CLCA4: variants seen among roughly 807,000 people sequenced by gnomAD.
CLCA4 encodes the protein chloride channel accessory 4, also known as calcium-activated chloride channel regulator 4.
Under a neutral mutation model 78.9 loss-of-function variants are expected in CLCA4, and 69 were observed. That is an observed-to-expected ratio of 0.87 (90% CI 0.72 to 1.07). The LOEUF (loss-of-function observed/expected upper bound fraction) is 1.07, where lower values mean the gene tolerates loss of function less well. Among genes scored for constraint, CLCA4 ranks in the 50% least tolerant of loss-of-function variants. The pLI is 0.00. For missense variants in CLCA4, 1,133 were observed against 1,095.8 expected (o/e 1.03, Z -0.48); for synonymous variants, 362 against 375.8 (o/e 0.96, Z 0.42).
intron 7 of CLCA4, among the ~76,000 whole-genome samples, chr1:86,569,012 T>C (rs913924640): frequency 1.3e-5 from 2 of 152,078 alleles, no homozygotes; most frequent in African/African-American, 4.8e-5. Context: ...AGCTAGCACA[T>C]AGGGTTGCTC....
intron 3 of CLCA4, among the ~76,000 whole-genome samples, chr1:86,563,218 C>T (rs1187312176): frequency 2.1e-5 from 3 of 141,650 alleles, no homozygotes; most frequent in Admixed American, 1.6e-4. Context: ...TTTTTTAATA[C>T]CTAGTATTGC....
In CLCA4 at chr1:86,567,480, T is replaced by A. The variant is rs1252203538; in HGVS notation, c.1011T>A (p.Thr337=). ...CAGCAAAACATTTCCTGCTGCAGAC[T>A]GTTGAAAATGGATCCTGGGTGGGGA... ...NQAAKHFLLQ[T]VENGSWVGMV... Residue 337 remains threonine, a synonymous_variant, in exon 7 of 14, where the codon ACT becomes ACA. Coordinates refer to ENST00000370563, the MANE Select transcript of CLCA4 (RefSeq NM_012128.4). 1 of 1,613,344 alleles carries A rather than the reference T, an allele frequency of 6.2e-7. No homozygotes were observed.
chr1:86,575,180 T>C, intron 10 of CLCA4, 152 bp from the exon 11 acceptor site: 2 of 654,526 alleles, frequency 3.1e-6, no homozygotes, highest in Non-Finnish European at 5.2e-6. Context: ...ATGCCCTGTC[T>C]GAACTGCCTC....
intron 9 of CLCA4, among the ~76,000 whole-genome samples, chr1:86,573,967 T>C (rs1304797490): frequency 2.0e-5 from 3 of 152,138 alleles, no homozygotes; most frequent in African/African-American, 7.2e-5. Context: ...AGGTAATGCC[T>C]ATGTTAATCT....
At chr1:86,572,549 A>G (rs530398353) in intron 8 of CLCA4, 65 bp from the exon 9 acceptor site, 2 of 958,046 alleles carry the variant, frequency 2.1e-6, no homozygotes, top group African/African-American at 1.6e-5. Flanking sequence ...TATTAGCTTA[A>G]TAATCACTAA....
Position 86,560,046 on chromosome 1 carries a change from A to C in CLCA4, c.274A>C (p.Arg92=). The change falls in exon 2 of 14, where the codon AGG becomes CGG. Residue 92 remains arginine, a synonymous_variant. Coordinates refer to ENST00000370563, the MANE Select transcript of CLCA4 (RefSeq NM_012128.4). The part of the protein sequence containing the change: ...ENWKENPQYK[R]PKHENHKHAD... Reference sequence around the variant, plus strand: ...TTGGAAGGAAAATCCTCAGTACAAAAGGCCAAAACATGAAAACCATAAACA... The same window carrying C: ...TTGGAAGGAAAATCCTCAGTACAAACGGCCAAAACATGAAAACCATAAACA... 2 of 1,598,170 alleles carry C rather than the reference A, an allele frequency of 1.3e-6. No homozygotes were observed. Among genetic ancestry groups the C allele is most frequent in the Non-Finnish European group, 1.7e-6 (2 of 1,175,892 alleles).
At chr1:86,553,225 T>C in intron 1 of CLCA4, 1 of 1,132,964 alleles carries the variant, frequency 8.8e-7, no homozygotes, top group Admixed American at 1.7e-5. Context: ...ACCAGGGACA[T>C]GTCCAAGAGG....
intron 7 of CLCA4, among the ~76,000 whole-genome samples, chr1:86,569,115 C>G (rs1650279172): frequency 6.6e-6 from 1 of 151,920 alleles, no homozygotes; most frequent in African/African-American, 2.4e-5. Context: ...AAGTGGGGAA[C>G]AGATAATAAA....
In CLCA4 at chr1:86,579,486, A is replaced by G; in HGVS notation, c.2255A>G (p.Gln752Arg). 1 of 1,613,298 alleles carries G rather than the reference A, an allele frequency of 6.2e-7. No individual in the cohort carries two copies. The highest frequency in any genetic ancestry group is 8.5e-7 in the Non-Finnish European group (1 of 1,179,478). The change falls in exon 13 of 14, where the codon CAA becomes CGA. Residue 752 changes from glutamine (Q) to arginine (R), a missense_variant. Coordinates refer to ENST00000370563, the MANE Select transcript of CLCA4 (RefSeq NM_012128.4). ...GTCCCAAGCCTTCCCTTGCCTGACCAATACCCACCAAGTCAAATCACAGAC... is the reference window on the plus strand; with the variant it reads ...GTCCCAAGCCTTCCCTTGCCTGACCGATACCCACCAAGTCAAATCACAGAC... ...SQVPSLPLPD[Q>R]YPPSQITDLD...
rs1468052881 is a variant in CLCA4 at position 86,548,869 on chromosome 1, T to C, written c.159+1591T>C. On this transcript the variant is annotated intron_variant, in intron 1 of 13. Coordinates refer to ENST00000370563, the MANE Select transcript of CLCA4 (RefSeq NM_012128.4). Reference sequence around the variant, plus strand: ...GAGATGAAGGTTTTAGACAGGGTTCTACACTGTGTCACCACAAGACAGAAG... The same window carrying C: ...GAGATGAAGGTTTTAGACAGGGTTCCACACTGTGTCACCACAAGACAGAAG... Among the ~76,000 whole-genome samples the C allele has an allele frequency of 4.6e-5, 7 of 152,220 alleles. No homozygotes were observed. The East Asian group carries it at 1.2e-3, about 25-fold the overall frequency.
intron 1 of CLCA4, among the ~76,000 whole-genome samples, chr1:86,548,961 C>T (rs997717023): frequency 1.3e-5 from 2 of 152,198 alleles, no homozygotes; most frequent in African/African-American, 4.8e-5. Context: ...CTCATTTGTT[C>T]TTTAAAGAAT....
intron 1 of CLCA4, among the ~76,000 whole-genome samples, chr1:86,555,762 G>A (rs994140570): frequency 1.1e-4 from 17 of 152,130 alleles, no homozygotes; most frequent in African/African-American, 4.1e-4. Flanking sequence ...GATAGGAATA[G>A]CAATGAATCT....
At chr1:86,577,593 C>T (rs1650557024) in intron 11 of CLCA4, among the ~76,000 whole-genome samples, 1 of 151,884 alleles carries the variant, frequency 6.6e-6, no homozygotes, top group African/African-American at 2.4e-5. Flanking sequence ...TGTAAGAGTA[C>T]TATATGTAAT....
At position 86,560,223 on chromosome 1, in the gene CLCA4, G is replaced by T; in HGVS notation, c.313G>T (p.Val105Phe). 1.2e-6 allele frequency: 2 copies of T among 1,607,884 alleles called. No homozygotes were observed. Among genetic ancestry groups the T allele is most frequent in the African/African-American group, 1.3e-5 (1 of 74,602 alleles). ...HENHKHADVI[V>F]APPTLPGRDE... The stretch of plus-strand genomic sequence containing the variant: ...TCAACATTCTCAGGCTGATGTTATA[G>T]TTGCACCACCTACACTCCCAGGTAG... Residue 105 changes from valine to phenylalanine, a missense_variant, in exon 3 of 14, where the codon GTT becomes TTT. Coordinates refer to ENST00000370563, the MANE Select transcript of CLCA4 (RefSeq NM_012128.4).
At position 86,580,257 on chromosome 1, in the gene CLCA4, A is replaced by T. The variant is rs753650612; in HGVS notation, c.2672A>T (p.His891Leu). The change falls in exon 14 of 14, where the codon CAT (histidine) becomes CTT (leucine). Residue 891 changes from histidine (H) to leucine (L), a missense_variant. By Grantham distance (99) the His-to-Leu change is moderately conservative. Transcript: ENST00000370563. ...PTPTPTPDKS[H>L]NSGVNISTLV... ...CCTACTCCTACTCCTGATAAAAGTC[A>T]TAATTCTGGAGTTAATATTTCTACG... is the stretch of plus-strand genomic sequence containing the variant. The T allele has an allele frequency of 6.2e-7, 1 of 1,611,716 alleles. No homozygotes were observed. The highest frequency in any genetic ancestry group is 8.5e-7 in the Non-Finnish European group (1 of 1,178,568).
intron 8 of CLCA4, 91 bp from the exon 9 acceptor site, chr1:86,572,523 A>G: frequency 6.6e-6 from 5 of 754,262 alleles, no homozygotes; most frequent in Non-Finnish European, 1.1e-5. Context: ...TACTGAAACT[A>G]TGATTTTGTT....
intron 1 of CLCA4, among the ~76,000 whole-genome samples, chr1:86,553,721 G>A (rs1300748100): frequency 6.6e-6 from 1 of 152,188 alleles, no homozygotes; most frequent in Non-Finnish European, 1.5e-5. Flanking sequence ...GATCACCTGA[G>A]GTCAGGAGTT....
chr1:86,571,099 A>G lies in CLCA4; in HGVS notation c.1205A>G (p.Gln402Arg), dbSNP rs781247571. 2 of 1,611,914 alleles carry G rather than the reference A, an allele frequency of 1.2e-6. No homozygotes were observed. The highest frequency in any genetic ancestry group is 4.5e-5 in the East Asian group (2 of 44,868). ...AFQVIGELHS[Q>R]LDGSEVLLLT... The stretch of plus-strand genomic sequence containing the variant: ...CAGGTGATTGGAGAGCTACATTCCC[A>G]ACTCGATGGATCCGAAGTACTGCTG... Residue 402 changes from glutamine to arginine, a missense_variant, in exon 8 of 14, where the codon CAA becomes CGA. Physicochemically the swap from Gln to Arg is conservative, Grantham distance 43. Transcript: ENST00000370563.
At chr1:86,574,794 A>T (rs1470422085) in intron 10 of CLCA4, 39 bp downstream of exon 10, 10 of 1,429,664 alleles carry the variant, frequency 7.0e-6, no homozygotes, top group Non-Finnish European at 7.9e-6. Context: ...CAACATTTTT[A>T]AAAAACTGAA....
Sources: allele counts gnomAD v4.1 joint callset (sites outside exome capture counted in the v4.1 genomes callset), GRCh38; gene constraint gnomAD v4.1.1; transcripts MANE v1.5; gene names NCBI Gene and HGNC (gene_info 2026-07-23, HGNC 2026-07-21).